The following ARHGAP40 variants were observed in gnomAD, a reference collection of about 807,000 sequenced individuals.
The protein encoded by ARHGAP40 is rho GTPase-activating protein 40.
In ARHGAP40, 43 loss-of-function variants were observed where a neutral mutation model predicts 73.5. The ratio of observed to expected loss-of-function variants is 0.58; its 90% CI spans 0.46 to 0.75. The LOEUF is 0.75. ARHGAP40 is among the 30% of genes least tolerant of loss of function. The pLI, the probability that ARHGAP40 is intolerant of heterozygous loss-of-function variation, is 0.00. For synonymous variants in ARHGAP40, 300 were observed against 352.8 expected (o/e 0.85, Z 1.68); for missense variants, 734 against 861.8 (o/e 0.85, Z 1.86).
intron 1 of ARHGAP40, chr20:38,615,195 T>C: frequency 1.3e-6 from 1 of 795,456 alleles, no homozygotes; most frequent in Non-Finnish European, 2.3e-6. Context: ...AAGTTCCATG[T>C]AGTAAAGGCT....
intron 1 of ARHGAP40, among the ~76,000 whole-genome samples, chr20:38,609,722 C>A (rs1458609496): frequency 6.6e-6 from 1 of 152,202 alleles, no homozygotes; most frequent in Admixed American, 6.5e-5. Flanking sequence ...GTGTTCCTGG[C>A]AGTAGCTGCC....
At chr20:38,608,011 TATTTCCTCTCAGTTGA>T (rs2088782046) in intron 1 of ARHGAP40, among the ~76,000 whole-genome samples, 1 of 152,184 alleles carries the variant, frequency 6.6e-6, no homozygotes, top group African/African-American at 2.4e-5. Flanking sequence ...TTGTTGCAGA[TATTTCCTCTCAGTTGA>T]GGAAAAAGGT....
intron 3 of ARHGAP40, among the ~76,000 whole-genome samples, chr20:38,628,428 C>T (rs1465499798): frequency 6.6e-6 from 1 of 152,088 alleles, no homozygotes; most frequent in African/African-American, 2.4e-5. Context: ...CCTCAGCCTG[C>T]CGAGTAGCTG....
chr20:38,607,803 T>C (rs1223669081), intron 1 of ARHGAP40, among the ~76,000 whole-genome samples: 1 of 152,214 alleles, frequency 6.6e-6, no homozygotes, highest in East Asian at 1.9e-4. Flanking sequence ...ATAGAGTTCA[T>C]CCTTGTTTTA....
At chr20:38,607,851 T>G (rs2088780751) in intron 1 of ARHGAP40, among the ~76,000 whole-genome samples, 1 of 152,236 alleles carries the variant, frequency 6.6e-6, no homozygotes, top group Admixed American at 6.5e-5. Context: ...GCTCCACATC[T>G]TTTCACATAG....
chr20:38,622,110 T>TA (rs199589896), intron 1 of ARHGAP40, among the ~76,000 whole-genome samples: 2,581 of 148,702 alleles, frequency 0.017, 44 homozygotes, highest in African/African-American at 0.047. Context: ...TATATATATA[T>TA]TTTTTTTTTA....
intron 13 of ARHGAP40, among the ~76,000 whole-genome samples, chr20:38,647,968 A>G (rs574010971): frequency 9.2e-5 from 14 of 152,350 alleles, no homozygotes; most frequent in Admixed American, 4.6e-4. Flanking sequence ...CTGGCCAAGG[A>G]TCTGGAAGAA....
chr20:38,613,227 T>A (rs1278026532), intron 1 of ARHGAP40, among the ~76,000 whole-genome samples: 1 of 152,178 alleles, frequency 6.6e-6, no homozygotes, highest in South Asian at 2.1e-4. Flanking sequence ...GATTGGTAGA[T>A]CCTGATCTTC....
chr20:38,644,226 T>A (rs2089038063), intron 11 of ARHGAP40, among the ~76,000 whole-genome samples: 1 of 151,902 alleles, frequency 6.6e-6, no homozygotes, highest in South Asian at 2.1e-4. Flanking sequence ...GAAAGCCCCA[T>A]CCCTGAGGCC....
rs553686339 is a variant in ARHGAP40 at position 38,635,041 on chromosome 20, C to T, written c.949+256C>T. Reference sequence around the variant, plus strand: ...AGACTACAGGTGCGCACCACCATGCCCAGCTAATTTTTGTATTTTTAGTAC... The same window carrying T: ...AGACTACAGGTGCGCACCACCATGCTCAGCTAATTTTTGTATTTTTAGTAC... On this transcript the variant is annotated intron_variant, in intron 6 of 14. Transcript: ENST00000373345. 9.2e-5 allele frequency among the ~76,000 whole-genome samples: 14 copies of T among 152,134 alleles called. No individual in the cohort carries two copies. The South Asian group carries it at 2.9e-3, about 32-fold the overall frequency.
chr20:38,607,316 A>G (rs565355471), intron 1 of ARHGAP40, among the ~76,000 whole-genome samples: 1 of 152,294 alleles, frequency 6.6e-6, no homozygotes, highest in South Asian at 2.1e-4. Context: ...CCATTCAGAT[A>G]GTGGCTGCCG....
At chr20:38,607,380 G>A (rs569648457) in intron 1 of ARHGAP40, among the ~76,000 whole-genome samples, 6 of 152,266 alleles carry the variant, frequency 3.9e-5, no homozygotes, top group South Asian at 2.1e-4. Context: ...CCTCAGATCC[G>A]CAGCTCAGGG....
At chr20:38,644,266 C>A (rs2089038344) in intron 11 of ARHGAP40, among the ~76,000 whole-genome samples, 1 of 152,114 alleles carries the variant, frequency 6.6e-6, no homozygotes, top group African/African-American at 2.4e-5. Context: ...TAAGACAGAG[C>A]CCAGAACCAG....
intron 1 of ARHGAP40, among the ~76,000 whole-genome samples, chr20:38,619,929 G>A (rs553478583): frequency 9.2e-5 from 14 of 152,026 alleles, no homozygotes; most frequent in Admixed American, 6.6e-5. Flanking sequence ...AAAATTAACT[G>A]GGCATGGTGG....
At chr20:38,638,344 A>G (rs1432614779) in intron 7 of ARHGAP40, among the ~76,000 whole-genome samples, 1 of 151,964 alleles carries the variant, frequency 6.6e-6, no homozygotes, top group Admixed American at 6.6e-5. Context: ...ATAAATAAGT[A>G]AATTTTTGTC....
intron 4 of ARHGAP40, 108 bp downstream of exon 4, chr20:38,629,110 C>A: frequency 1.0e-6 from 1 of 958,686 alleles, no homozygotes. Flanking sequence ...CTGCTTCCTG[C>A]TGACTCCCTG....
intron 9 of ARHGAP40, among the ~76,000 whole-genome samples, chr20:38,641,300 A>G (rs759649343): frequency 6.6e-6 from 1 of 152,052 alleles, no homozygotes; most frequent in Non-Finnish European, 1.5e-5. Flanking sequence ...GGAGATCCTG[A>G]CACCAGGTGT....
intron 5 of ARHGAP40, among the ~76,000 whole-genome samples, chr20:38,631,203 T>C (rs1486619467): frequency 1.3e-5 from 2 of 151,356 alleles, no homozygotes; most frequent in Non-Finnish European, 2.9e-5. Context: ...TCTTAGCCAC[T>C]TGGGAGGCTG....
chr20:38,646,014 T>G lies in ARHGAP40; in HGVS notation c.1570-33T>G. ...CTGCCTCTCGCCCCCAGAAGTCCTA[T>G]CCCCCTGCCAAAACTTGATCCTTTC... is the stretch of plus-strand genomic sequence containing the variant. On this transcript the variant is annotated intron_variant, in intron 11 of 14. Transcript: ENST00000373345. The surrounding 1 kb of genome is among the most constrained non-coding windows in gnomAD (Gnocchi z 4.5). 7.8e-7 allele frequency: 1 copy of G among 1,281,966 alleles called. No homozygotes were observed. Among genetic ancestry groups the G allele is most frequent in the Non-Finnish European group, 1.0e-6 (1 of 975,004 alleles). 79.4% of individuals were successfully genotyped at this position (1,281,966 alleles called of 1,614,324 possible).
Sources: gnomAD v4.1 joint callset for allele counts (sites outside exome capture counted in the v4.1 genomes callset) on GRCh38, gnomAD v4.1.1 for gene constraint, Gnocchi (gnomAD v3.1) non-coding constraint, MANE v1.5 for transcripts, NCBI Gene and HGNC (gene_info 2026-07-23, HGNC 2026-07-21) for gene names.